STK32C: variants seen among roughly 807,000 people sequenced by gnomAD.
STK32C encodes the protein serine/threonine-protein kinase 32C.
In STK32C, 31 loss-of-function variants were observed where a neutral mutation model predicts 56.5. That is an observed-to-expected ratio of 0.55 (90% CI 0.41 to 0.74). STK32C has a LOEUF of 0.74. STK32C is among the 30% of genes least tolerant of loss of function. The pLI is 0.00. For synonymous variants in STK32C, 309 were observed against 289.4 expected (o/e 1.07, Z -0.69); for missense variants, 544 against 676.9 (o/e 0.80, Z 2.18).
At chr10:132,291,068 T>C (rs2065549334) in intron 1 of STK32C, among the ~76,000 whole-genome samples, 1 of 152,236 alleles carries the variant, frequency 6.6e-6, no homozygotes, top group African/African-American at 2.4e-5. Context: ...TCACTGTTTG[T>C]ATGTTGAAAA....
chr10:132,226,711 G>A (rs986110263), intron 4 of STK32C, 84 bp downstream of exon 4: 61 of 1,520,416 alleles, frequency 4.0e-5, no homozygotes, highest in African/African-American at 1.4e-4. Flanking sequence ...GAGGGAGTAC[G>A]GCCGCCGTGC....
chr10:132,294,123 TG>T (rs2065659665), intron 1 of STK32C, among the ~76,000 whole-genome samples: 1 of 151,976 alleles, frequency 6.6e-6, no homozygotes, highest in Non-Finnish European at 1.5e-5. Flanking sequence ...AGACAGGAAT[TG>T]GGAGTCGCTG....
At chr10:132,320,005 G>A (rs757458464), downstream of STK32C, among the ~76,000 whole-genome samples, 38 of 149,848 alleles carry the variant, frequency 2.5e-4, no homozygotes, top group Non-Finnish European at 4.9e-4. Flanking sequence ...ATGAGAAAAA[G>A]TCTTAGAAAC....
intron 1 of STK32C, among the ~76,000 whole-genome samples, chr10:132,268,539 T>TTGTG (rs56672946): frequency 0.028 from 3,134 of 111,466 alleles, 147 homozygotes; most frequent in African/African-American, 0.094. Flanking sequence ...ATGCGTCACA[T>TTGTG]TGTGTGTGTG....
intron 2 of STK32C, among the ~76,000 whole-genome samples, chr10:132,233,990 AC>A (rs1188842170): frequency 1.3e-5 from 2 of 152,144 alleles, no homozygotes; most frequent in Non-Finnish European, 2.9e-5. Context: ...CTATGGACAT[AC>A]TGTTTTCTGG....
chr10:132,327,364 T>G (rs1446183824), intron 1 of STK32C, among the ~76,000 whole-genome samples: 1 of 152,176 alleles, frequency 6.6e-6, no homozygotes, highest in Admixed American at 6.5e-5. Context: ...TTAAACCTTT[T>G]TTTCTTCCCA....
intron 1 of STK32C, among the ~76,000 whole-genome samples, chr10:132,285,023 C>T (rs573232094): frequency 1.4e-4 from 19 of 132,624 alleles, no homozygotes; most frequent in African/African-American, 5.2e-4. Flanking sequence ...CACATTCCCA[C>T]GTCTGTCCAA....
intron 1 of STK32C, among the ~76,000 whole-genome samples, chr10:132,264,636 C>G (rs954269183): frequency 1.3e-5 from 2 of 152,162 alleles, no homozygotes; most frequent in African/African-American, 4.8e-5. Context: ...GGGGTTTGAG[C>G]TGATGGGGGG....
chr10:132,208,069 C>T lies in STK32C; in HGVS notation c.1402G>A (p.Ala468Thr). The T allele has an allele frequency of 1.5e-6, 2 of 1,310,824 alleles. No homozygotes were observed. Among genetic ancestry groups the T allele is most frequent in the Non-Finnish European group, 2.0e-6 (2 of 1,021,614 alleles). 81.2% of individuals were successfully genotyped at this position (1,310,824 alleles called of 1,614,324 possible). ...RDAAEPVEDE[A>T]ERSALPMCGP... ...CACATGGGCAGGGCGGAGCGTTCCG[C>T]CTCGTCCTCCACAGGCTCCGCAGCA... Residue 468 changes from alanine (A) to threonine (T), a missense_variant, in exon 12 of 12, where the codon GCG becomes ACG. Ala to Thr is a moderately conservative substitution (Grantham distance 58, BLOSUM62 0). This residue lies in a region of STK32C where 277 missense variants were observed against 309.3 expected (regional missense o/e 0.90). Transcript: ENST00000298630.
intron 1 of STK32C, among the ~76,000 whole-genome samples, chr10:132,256,977 G>A (rs1317799828): frequency 3.9e-5 from 6 of 152,312 alleles, no homozygotes; most frequent in East Asian, 1.9e-4. Flanking sequence ...GAGGGGGAGC[G>A]AGCCCAGTGG....
intron 2 of STK32C, among the ~76,000 whole-genome samples, chr10:132,232,182 C>T (rs1027186809): frequency 9.5e-5 from 12 of 126,452 alleles, no homozygotes; most frequent in Admixed American, 2.6e-4. Context: ...CATTTTCTGA[C>T]CCAGGCCAGC....
intron 1 of STK32C, among the ~76,000 whole-genome samples, chr10:132,258,133 C>T (rs2064187761): frequency 6.6e-6 from 1 of 152,206 alleles, no homozygotes. Context: ...GCAAGTGTCC[C>T]AGCCCCAGGA....
chr10:132,278,543 C>T (rs2065055618), intron 1 of STK32C, among the ~76,000 whole-genome samples: 1 of 151,864 alleles, frequency 6.6e-6, no homozygotes. Context: ...GGGTGGATCA[C>T]GAAGTCAGGA....
intron 1 of STK32C, among the ~76,000 whole-genome samples, chr10:132,294,376 G>A (rs2065671528): frequency 6.6e-6 from 1 of 152,218 alleles, no homozygotes; most frequent in African/African-American, 2.4e-5. Context: ...CATCTTTGGG[G>A]CAGGTGGGGC....
intron 1 of STK32C, among the ~76,000 whole-genome samples, chr10:132,262,664 G>A (rs1182767763): frequency 6.7e-6 from 1 of 149,354 alleles, no homozygotes; most frequent in African/African-American, 2.5e-5. Flanking sequence ...TGTAATCCCA[G>A]CACTTTGGGA....
At chr10:132,277,197 T>G (rs2065019008) in intron 1 of STK32C, among the ~76,000 whole-genome samples, 1 of 152,210 alleles carries the variant, frequency 6.6e-6, no homozygotes, top group Non-Finnish European at 1.5e-5. Flanking sequence ...CTGCGTGTCT[T>G]GGCCAGGACC....
intron 1 of STK32C, among the ~76,000 whole-genome samples, chr10:132,292,904 C>T (rs1004371547): frequency 1.3e-5 from 2 of 151,320 alleles, no homozygotes; most frequent in African/African-American, 4.8e-5. Flanking sequence ...GGTCCCTCCC[C>T]CCTCCCTTCC....
intron 10 of STK32C, among the ~76,000 whole-genome samples, chr10:132,210,145 G>A (rs1313097113): frequency 6.6e-6 from 1 of 152,252 alleles, no homozygotes; most frequent in Non-Finnish European, 1.5e-5. Flanking sequence ...CGTGACAACA[G>A]TCTGCGTTCA....
chr10:132,221,941 A>C (rs2062681305), intron 10 of STK32C, among the ~76,000 whole-genome samples: 2 of 148,602 alleles, frequency 1.3e-5, no homozygotes, highest in South Asian at 4.4e-4. Flanking sequence ...CACACACACA[A>C]CTGACACCGA....
Sources: gnomAD v4.1 joint callset for allele counts (sites outside exome capture counted in the v4.1 genomes callset) on GRCh38, gnomAD v4.1.1 for gene constraint, gnomAD v4.1.1 regional missense constraint, MANE v1.5 for transcripts, NCBI Gene and HGNC (gene_info 2026-07-23, HGNC 2026-07-21) for gene names.